The following SOCS6 variants were observed in gnomAD, a reference collection of about 807,000 sequenced individuals.
SOCS6 encodes the protein STAT induced STAT inhibitor-4.
SOCS6 carries 5 observed loss-of-function variants against 27.7 expected under a neutral mutation model. The observed-to-expected ratio is 0.18, with a 90% CI of 0.09 to 0.38. SOCS6 has a LOEUF of 0.38. Among genes scored for constraint, SOCS6 ranks in the 10% least tolerant of loss-of-function variants. The pLI is 1.00. For missense variants in SOCS6, 595 were observed against 688.1 expected, an observed-to-expected ratio of 0.86 and a Z score of 1.51; for synonymous variants, 271 against 260.0, an observed-to-expected ratio of 1.04 and a Z score of -0.41.
chr18:70,303,014 AAC>A (rs1200266366), intron 1 of SOCS6, among the ~76,000 whole-genome samples: 1 of 152,194 alleles, frequency 6.6e-6, no homozygotes, highest in Non-Finnish European at 1.5e-5. Context: ...AGTAAGAACA[AAC>A]AAGCTCACAG....
chr18:70,315,373 T>C (rs904940174), intron 1 of SOCS6, among the ~76,000 whole-genome samples: 5 of 152,188 alleles, frequency 3.3e-5, no homozygotes, highest in African/African-American at 1.2e-4. Flanking sequence ...TATTAGCTTC[T>C]TTTGGATTTC....
Position 70,325,631 on chromosome 18 carries a change from A to T in SOCS6, c.963A>T (p.Gln321His), listed in dbSNP as rs750771908. 2.5e-6 allele frequency: 4 copies of T among 1,614,054 alleles called. No homozygotes were observed. In the African/African-American group the frequency reaches 5.3e-5, roughly 22 times the overall value. ...SPLLPPMQNN[Q>H]IQRNFSGLTG... ...TGCTACCTCCAATGCAGAATAATCA[A>T]ATCCAAAGGAACTTCAGTGGACTCA... Residue 321 changes from glutamine (Q) to histidine (H), a missense_variant, in exon 2 of 2, where the codon CAA becomes CAT. Physicochemically the swap from Gln to His is conservative, Grantham distance 24. This residue lies in a region of SOCS6 where 467 missense variants were observed against 481.1 expected (regional missense o/e 0.97). Coordinates refer to ENST00000397942, the MANE Select transcript of SOCS6 (RefSeq NM_004232.4). The surrounding 1 kb of genome is among the most constrained non-coding windows in gnomAD (Gnocchi z 6.3).
chr18:70,291,515 TA>T (rs1474738907), intron 1 of SOCS6, among the ~76,000 whole-genome samples: 5 of 152,220 alleles, frequency 3.3e-5, no homozygotes, highest in African/African-American at 1.2e-4. Flanking sequence ...TCATATCTTT[TA>T]TTTTGCTCAT....
At chr18:70,299,046 C>T (rs2062336788) in intron 1 of SOCS6, among the ~76,000 whole-genome samples, 1 of 152,066 alleles carries the variant, frequency 6.6e-6, no homozygotes, top group Admixed American at 6.6e-5. Flanking sequence ...CGCTTGAACC[C>T]GGGAGGTGGA....
chr18:70,313,388 C>T (rs1202216897), intron 1 of SOCS6, among the ~76,000 whole-genome samples: 1 of 151,990 alleles, frequency 6.6e-6, no homozygotes, highest in African/African-American at 2.4e-5. Flanking sequence ...GAAATTTGTA[C>T]ATTTTGCATT....
Position 70,328,799 on chromosome 18 carries a change from TATG to T in SOCS6, c.*2526_*2528del, listed in dbSNP as rs1911306439. Reference sequence around the variant, plus strand: ...AACAGAATGTGAAAGATTGGCTTTATATGATACTAACACAGTCCAGTTAAAAGT... The same window carrying T: ...AACAGAATGTGAAAGATTGGCTTTATATACTAACACAGTCCAGTTAAAAGT... On this transcript the variant is annotated 3_prime_UTR_variant, in exon 2 of 2. Transcript: ENST00000397942. 1 of 167,040 alleles carries T rather than the reference TATG, an allele frequency of 6.0e-6. No homozygotes were observed. Among genetic ancestry groups the T allele is most frequent in the Non-Finnish European group, 1.5e-5 (1 of 68,120 alleles). 10.3% of individuals were successfully genotyped at this position (167,040 alleles called of 1,614,324 possible).
At position 70,328,869 on chromosome 18, in the gene SOCS6, T is replaced by A. The variant is rs1911310123; in HGVS notation, c.*2593T>A. On this transcript the variant is annotated 3_prime_UTR_variant, in exon 2 of 2. Transcript: ENST00000397942. ...GAGAGAGAAAACTCATCATTTAGTTTGGTCTAGACACAATTTGGTTAAATT... is the reference window on the plus strand; with the variant it reads ...GAGAGAGAAAACTCATCATTTAGTTAGGTCTAGACACAATTTGGTTAAATT... 6.0e-6 allele frequency: 1 copy of A among 167,028 alleles called. No individual in the cohort carries two copies. The highest frequency in any genetic ancestry group is 2.4e-5 in the African/African-American group (1 of 41,456). 10.3% of individuals were successfully genotyped at this position (167,028 alleles called of 1,614,324 possible).
intron 1 of SOCS6, among the ~76,000 whole-genome samples, chr18:70,317,547 A>G (rs1173935680): frequency 8.2e-6 from 1 of 122,598 alleles, no homozygotes; most frequent in Non-Finnish European, 1.6e-5. Context: ...CACACTTCAT[A>G]TATACATACA....
At chr18:70,316,365 G>GT (rs1162889790) in intron 1 of SOCS6, among the ~76,000 whole-genome samples, 4 of 152,004 alleles carry the variant, frequency 2.6e-5, no homozygotes, top group African/African-American at 9.7e-5. Flanking sequence ...TATTCCATAA[G>GT]TTCTTGAAAA....
Position 70,289,810 on chromosome 18 carries a change from C to T in SOCS6, c.-127+720C>T, listed in dbSNP as rs544120276. 2.0e-5 allele frequency among the ~76,000 whole-genome samples: 3 copies of T among 152,332 alleles called. No homozygotes were observed. The East Asian group carries it at 5.8e-4, about 29-fold the overall frequency. ...CCGGACGATTGTGGAATTTAAACCG[C>T]TCCTGGGACCGACACGGGCCTGAAT... On this transcript the variant is annotated intron_variant, in intron 1 of 1. Transcript: ENST00000397942.
intron 1 of SOCS6, among the ~76,000 whole-genome samples, chr18:70,319,352 T>A (rs17082348): frequency 0.012 from 1,823 of 152,314 alleles, 38 homozygotes; most frequent in African/African-American, 0.041. Flanking sequence ...ATGTGGATTC[T>A]TTGCTTTATG....
chr18:70,303,806 A>T (rs938108359), intron 1 of SOCS6, among the ~76,000 whole-genome samples: 25 of 152,152 alleles, frequency 1.6e-4, no homozygotes, highest in Non-Finnish European at 1.3e-4. Flanking sequence ...ATAATAATAA[A>T]TTTTTTAAAA....
Position 70,325,766 on chromosome 18 carries a change from C to T in SOCS6, c.1098C>T (p.Pro366=). 1.9e-6 allele frequency: 3 copies of T among 1,614,194 alleles called. No homozygotes were observed. The highest frequency in any genetic ancestry group is 2.2e-5 in the South Asian group (2 of 91,082). The stretch of plus-strand genomic sequence containing the variant: ...ATGACTCAGTGCAAAGTAGTGGTCC[C>T]ATGGTTGTGACAAGCCTTACAGAGG... ...RVYDSVQSSG[P]MVVTSLTEEL... is the part of the protein sequence containing the mutation. The change falls in exon 2 of 2, where the codon CCC becomes CCT. Residue 366 remains proline (P), a synonymous_variant. Transcript: ENST00000397942. This position sits in a 1 kb window ranked among gnomAD's most constrained non-coding sequence, Gnocchi z 6.3.
At chr18:70,297,245 C>T (rs369156910) in intron 1 of SOCS6, among the ~76,000 whole-genome samples, 75 of 152,214 alleles carry the variant, frequency 4.9e-4, no homozygotes, top group African/African-American at 1.8e-3. Flanking sequence ...GTTTTAGCCA[C>T]TTAACACTGT....
At chr18:70,302,013 A>G (rs1299585545) in intron 1 of SOCS6, among the ~76,000 whole-genome samples, 2 of 152,168 alleles carry the variant, frequency 1.3e-5, no homozygotes, top group Non-Finnish European at 2.9e-5. Flanking sequence ...CAGTTCTCCT[A>G]AGGCATTTTG....
intron 1 of SOCS6, among the ~76,000 whole-genome samples, chr18:70,302,935 G>T (rs2062354860): frequency 6.6e-6 from 1 of 152,052 alleles, no homozygotes; most frequent in Admixed American, 6.6e-5. Context: ...GGCAGTCATG[G>T]TATAACTGAA....
chr18:70,319,608 TAAAAAAAAA>T (rs34494275), intron 1 of SOCS6, among the ~76,000 whole-genome samples: 3 of 126,350 alleles, frequency 2.4e-5, no homozygotes, highest in Non-Finnish European at 3.4e-5. Flanking sequence ...AGCACTTCAG[TAAAAAAAAA>T]AAAAAAAAAA....
intron 1 of SOCS6, among the ~76,000 whole-genome samples, chr18:70,295,048 G>GT (rs2062317315): frequency 6.6e-6 from 1 of 152,360 alleles, no homozygotes; most frequent in Admixed American, 6.5e-5. Context: ...CTGAACATCA[G>GT]TAAGTCCTAA....
intron 1 of SOCS6, among the ~76,000 whole-genome samples, chr18:70,321,199 A>G (rs1910972215): frequency 6.6e-6 from 1 of 151,374 alleles, no homozygotes; most frequent in Admixed American, 6.6e-5. Context: ...TCTTGAACCC[A>G]GGAGGTTGAG....
Sources: gnomAD v4.1 joint callset for allele counts (sites outside exome capture counted in the v4.1 genomes callset) on GRCh38, gnomAD v4.1.1 for gene constraint, gnomAD v4.1.1 regional missense constraint, Gnocchi (gnomAD v3.1) non-coding constraint, MANE v1.5 for transcripts, NCBI Gene and HGNC (gene_info 2026-07-23, HGNC 2026-07-21) for gene names.